RNF170: variants seen among roughly 807,000 people sequenced by gnomAD.
The protein encoded by RNF170 is E3 ubiquitin-protein ligase RNF170.
Under a neutral mutation model 32.7 loss-of-function variants are expected in RNF170, and 12 were observed. The ratio of observed to expected loss-of-function variants is 0.37; its 90% CI spans 0.24 to 0.60. The LOEUF (loss-of-function observed/expected upper bound fraction) is 0.60. RNF170 is among the 20% of genes least tolerant of loss of function. The probability of loss-of-function intolerance (pLI) is 0.72; values close to 1 mark genes in which losing one functional copy is unlikely to be tolerated. For synonymous variants in RNF170, 91 were observed against 103.6 expected, an observed-to-expected ratio of 0.88 and a Z score of 0.74; for missense variants, 212 against 311.2, an observed-to-expected ratio of 0.68 and a Z score of 2.40.
At chr8:42,886,853 T>C (rs1805867139) in intron 2 of RNF170, among the ~76,000 whole-genome samples, 1 of 152,100 alleles carries the variant, frequency 6.6e-6, no homozygotes, top group African/African-American at 2.4e-5. Flanking sequence ...CGAGACCCTG[T>C]CTCTAAAATA....
rs188381570 is a variant in RNF170 at position 42,882,535 on chromosome 8, G to A, written c.137+5193C>T. ...CATACCCAATGAAATATTATTTAGCGATAAAAAAGAAGGAAATTCTAATAC... is the reference window on the plus strand; with the variant it reads ...CATACCCAATGAAATATTATTTAGCAATAAAAAAGAAGGAAATTCTAATAC... On this transcript the variant is annotated intron_variant, in intron 2 of 6. Coordinates refer to ENST00000527424, the MANE Select transcript of RNF170 (RefSeq NM_030954.4). Among the ~76,000 whole-genome samples, 33 of 152,242 alleles carry A rather than the reference G, an allele frequency of 2.2e-4. No homozygotes were observed. In the East Asian group the frequency reaches 6.0e-3, roughly 28 times the overall value.
At chr8:42,878,885 C>T (rs1805164362) in intron 2 of RNF170, among the ~76,000 whole-genome samples, 1 of 152,186 alleles carries the variant, frequency 6.6e-6, no homozygotes, top group Non-Finnish European at 1.5e-5. Flanking sequence ...GCAGCCAATG[C>T]TCATTGACCA....
chr8:42,882,821 G>A (rs1304774433), intron 2 of RNF170, among the ~76,000 whole-genome samples: 1 of 152,096 alleles, frequency 6.6e-6, no homozygotes, highest in Non-Finnish European at 1.5e-5. Flanking sequence ...CAGAAATTTG[G>A]GAGGATGAGG....
intron 6 of RNF170, among the ~76,000 whole-genome samples, chr8:42,859,472 A>G (rs974423356): frequency 4.0e-5 from 6 of 151,630 alleles, no homozygotes; most frequent in Admixed American, 1.3e-4. Flanking sequence ...CAGTCTCTAT[A>G]AAAAATTAGC....
chr8:42,885,142 A>G (rs925697348), intron 2 of RNF170, among the ~76,000 whole-genome samples: 1 of 151,838 alleles, frequency 6.6e-6, no homozygotes, highest in African/African-American at 2.4e-5. Context: ...ATCGTGCAGT[A>G]TTTGTCTTTC....
chr8:42,850,941 T>C (rs1225457575), downstream of RNF170: 37 of 1,551,590 alleles, frequency 2.4e-5, no homozygotes, highest in Admixed American at 7.1e-4. Flanking sequence ...TGTCCAGGCA[T>C]GCAACAGCCT....
chr8:42,858,102 T>A (rs987823873), intron 6 of RNF170, among the ~76,000 whole-genome samples: 1 of 152,140 alleles, frequency 6.6e-6, no homozygotes, highest in African/African-American at 2.4e-5. Flanking sequence ...GCTCTTAAAT[T>A]TGAAACAGGT....
intron 2 of RNF170, among the ~76,000 whole-genome samples, chr8:42,880,546 C>A (rs964908701): frequency 2.0e-5 from 3 of 152,048 alleles, no homozygotes; most frequent in Non-Finnish European, 4.4e-5. Flanking sequence ...CTGAGGCGGG[C>A]GGATCATGAG....
intron 1 of RNF170, among the ~76,000 whole-genome samples, chr8:42,891,947 C>T (rs1220641902): frequency 6.6e-6 from 1 of 152,162 alleles, no homozygotes; most frequent in East Asian, 1.9e-4. Context: ...ATTACTTTAA[C>T]AAGAAAAATA....
At chr8:42,870,855 G>A (rs1456213344) in intron 3 of RNF170, among the ~76,000 whole-genome samples, 1 of 152,150 alleles carries the variant, frequency 6.6e-6, no homozygotes, top group Non-Finnish European at 1.5e-5. Context: ...GACCTCACTA[G>A]GATGGATCAT....
chr8:42,897,232 C>G (rs1264745670), upstream of RNF170: 3 of 1,202,046 alleles, frequency 2.5e-6, no homozygotes, highest in Non-Finnish European at 3.1e-6. Context: ...CCTCCCCCCG[C>G]CACCTACCGG....
intron 3 of RNF170, among the ~76,000 whole-genome samples, chr8:42,873,334 T>C (rs146289801): frequency 6.6e-6 from 1 of 152,046 alleles, no homozygotes; most frequent in Non-Finnish European, 1.5e-5. Flanking sequence ...AAGTTTGATC[T>C]ATAGGAAAGG....
chr8:42,878,473 CACA>C (rs1563266358), intron 2 of RNF170, among the ~76,000 whole-genome samples: 2 of 152,182 alleles, frequency 1.3e-5, no homozygotes, highest in Non-Finnish European at 2.9e-5. Context: ...TCAAACCAGC[CACA>C]ACATTTCCTT....
chr8:42,882,499 G>A (rs534018948), intron 2 of RNF170, among the ~76,000 whole-genome samples: 23 of 152,272 alleles, frequency 1.5e-4, no homozygotes, highest in African/African-American at 5.1e-4. Context: ...TAGGATTACA[G>A]GTGTGAGCAC....
rs1424058874 is a variant in RNF170 at position 42,855,540 on chromosome 8, T to G, written c.*619A>C. On this transcript the variant is annotated 3_prime_UTR_variant, in exon 7 of 7. Transcript: ENST00000527424. ...TTTTCATCTTAATTCTTCTATTGAT[T>G]AAAATGTGTTCTGTAAACTAGAATA... 1 of 1,284,326 alleles carries G rather than the reference T, an allele frequency of 7.8e-7. No individual in the cohort carries two copies. The highest frequency in any genetic ancestry group is 1.2e-5 in the South Asian group (1 of 80,854). The allele number at this position is 1,284,326 out of a possible 1,614,324, so 79.6% of individuals were successfully genotyped here. A position where few individuals can be genotyped will look rare whatever the true frequency, so the allele number is the denominator to read the frequency against.
intron 2 of RNF170, among the ~76,000 whole-genome samples, chr8:42,881,901 C>G (rs1805441802): frequency 6.6e-6 from 1 of 151,836 alleles, no homozygotes; most frequent in African/African-American, 2.4e-5. Context: ...CGCCACTATA[C>G]TCTAGCCTGG....
rs751212801 is a variant in RNF170, at chr8:42,854,414, G to C, written c.*1745C>G. 1 of 1,287,234 alleles carries C rather than the reference G, an allele frequency of 7.8e-7. No homozygotes were observed. Among genetic ancestry groups the C allele is most frequent in the South Asian group, 1.2e-5 (1 of 80,942 alleles). The allele number at this position is 1,287,234 out of a possible 1,614,324, so 79.7% of individuals were successfully genotyped here. On this transcript the variant is annotated 3_prime_UTR_variant, in exon 7 of 7. Coordinates refer to ENST00000527424, the MANE Select transcript of RNF170 (RefSeq NM_030954.4). Reference sequence around the variant, plus strand: ...CACTTTCATCAATAGCATGGGGATTGTATCTATGAAAGGGAAGTTGGTGTC... The same window carrying C: ...CACTTTCATCAATAGCATGGGGATTCTATCTATGAAAGGGAAGTTGGTGTC...
chr8:42,858,548 G>C (rs1295321854), intron 6 of RNF170, among the ~76,000 whole-genome samples: 1 of 152,172 alleles, frequency 6.6e-6, no homozygotes, highest in Non-Finnish European at 1.5e-5. Flanking sequence ...TTTACTGAGA[G>C]AAAGATAATG....
intron 2 of RNF170, among the ~76,000 whole-genome samples, chr8:42,878,333 A>C (rs1563266250): frequency 6.6e-6 from 1 of 152,250 alleles, no homozygotes; most frequent in Admixed American, 6.5e-5. Flanking sequence ...CTAGCTGGCC[A>C]AGTTGTGAAT....
Sources: allele counts gnomAD v4.1 joint callset (sites outside exome capture counted in the v4.1 genomes callset), GRCh38; gene constraint gnomAD v4.1.1; transcripts MANE v1.5; gene names NCBI Gene and HGNC (gene_info 2026-07-23, HGNC 2026-07-21).